KCNK13: variants seen among roughly 807,000 people sequenced by gnomAD.
The protein encoded by KCNK13 is potassium channel subfamily K member 13.
Under a neutral mutation model 23.4 loss-of-function variants are expected in KCNK13, and 12 were observed. The ratio of observed to expected loss-of-function variants is 0.51; its 90% confidence interval spans 0.33 to 0.83. The LOEUF is 0.83. Among genes scored for constraint, KCNK13 ranks in the 40% least tolerant of loss-of-function variants. KCNK13 has a pLI of 0.02. For missense variants in KCNK13, 463 were observed against 556.3 expected (o/e 0.83, Z 1.69); for synonymous variants, 231 against 229.5 (o/e 1.01, Z -0.06).
chr14:90,126,546 G>A (rs1052771411), intron 1 of KCNK13, among the ~76,000 whole-genome samples: 4 of 151,798 alleles, frequency 2.6e-5, no homozygotes, highest in Non-Finnish European at 5.9e-5. Context: ...TGTTGTTGTT[G>A]TTGTTGTTAT....
At chr14:90,074,458 C>T (rs1014638572) in intron 1 of KCNK13, among the ~76,000 whole-genome samples, 8 of 152,168 alleles carry the variant, frequency 5.3e-5, no homozygotes, top group African/African-American at 1.9e-4. Context: ...ATTCAGGTCC[C>T]CTCCATGGTT....
chr14:90,071,824 G>A (rs1889078489), intron 1 of KCNK13, among the ~76,000 whole-genome samples: 1 of 151,944 alleles, frequency 6.6e-6, no homozygotes, highest in African/African-American at 2.4e-5. Flanking sequence ...CTTGAACCTG[G>A]AAGGCGGAAG....
intron 1 of KCNK13, among the ~76,000 whole-genome samples, chr14:90,123,774 G>A (rs1489014188): frequency 2.6e-5 from 4 of 152,084 alleles, no homozygotes; most frequent in Non-Finnish European, 4.4e-5. Context: ...TGGGACGATA[G>A]CCATGCACCA....
At chr14:90,147,999 A>T (rs1479906656) in intron 1 of KCNK13, among the ~76,000 whole-genome samples, 1 of 152,142 alleles carries the variant, frequency 6.6e-6, no homozygotes, top group African/African-American at 2.4e-5. Context: ...CTGTCTACTA[A>T]AAATACAAAA....
chr14:90,103,706 G>A (rs917507998), intron 1 of KCNK13, among the ~76,000 whole-genome samples: 1 of 152,008 alleles, frequency 6.6e-6, no homozygotes, highest in Admixed American at 6.6e-5. Context: ...GGGATTATAG[G>A]CTCCCACTAC....
chr14:90,144,493 C>CTATTT (rs1566645128), intron 1 of KCNK13, among the ~76,000 whole-genome samples: 1 of 25,884 alleles, frequency 3.9e-5, no homozygotes, highest in Admixed American at 6.8e-4. Flanking sequence ...GTTTTACTTT[C>CTATTT]TCTTTTTTTT....
chr14:90,078,427 AAAAG>A (rs1158343364), intron 1 of KCNK13, among the ~76,000 whole-genome samples: 1 of 151,704 alleles, frequency 6.6e-6, no homozygotes, highest in Non-Finnish European at 1.5e-5. Context: ...CAAAAAAAAA[AAAAG>A]AAAGAAAAAA....
At chr14:90,101,503 A>G (rs919400740) in intron 1 of KCNK13, among the ~76,000 whole-genome samples, 8 of 151,830 alleles carry the variant, frequency 5.3e-5, no homozygotes, top group African/African-American at 1.9e-4. Context: ...GTGCACCAAA[A>G]TCTCACCAGT....
At chr14:90,092,111 A>G (rs1596773921) in intron 1 of KCNK13, among the ~76,000 whole-genome samples, 1 of 151,908 alleles carries the variant, frequency 6.6e-6, no homozygotes, top group East Asian at 1.9e-4. Context: ...TTTAGTAGAG[A>G]TGGGGTTTCA....
intron 1 of KCNK13, among the ~76,000 whole-genome samples, chr14:90,070,055 T>C (rs913587215): frequency 2.6e-5 from 4 of 152,216 alleles, no homozygotes; most frequent in African/African-American, 9.7e-5. Flanking sequence ...GGAAATCATA[T>C]CATACATATT....
rs1279169701 is a variant in KCNK13, at chr14:90,184,850, C to G, written c.1074C>G (p.Ala358=). ...AGGACTTGCTGGCAGCCAACAAGGC[C>G]TCGTTGGCCATCCTGCAGAAGCAAC... is the stretch of plus-strand genomic sequence containing the variant. ...SMKDLLAANK[A]SLAILQKQLS... Residue 358 remains alanine (A), a synonymous_variant, in exon 2 of 2, where the codon GCC becomes GCG. Coordinates refer to ENST00000282146, the MANE Select transcript of KCNK13 (RefSeq NM_022054.4). This position sits in a 1 kb window ranked among gnomAD's most constrained non-coding sequence, Gnocchi z 5.6. 6.2e-7 allele frequency: 1 copy of G among 1,613,870 alleles called. No individual in the cohort carries two copies.
intron 1 of KCNK13, among the ~76,000 whole-genome samples, chr14:90,101,348 A>G (rs1342050423): frequency 2.0e-5 from 3 of 152,122 alleles, no homozygotes; most frequent in African/African-American, 7.2e-5. Flanking sequence ...CTTGTCCCGG[A>G]CCAGAGTGTT....
At chr14:90,145,970 C>CACTGTACTTCAGCA (rs201332658) in intron 1 of KCNK13, among the ~76,000 whole-genome samples, 9,859 of 152,064 alleles carry the variant, frequency 0.065, 411 homozygotes, top group South Asian at 0.21. Flanking sequence ...ATGATCACGC[C>CACTGTACTTCAGCA]TGGGTAACAG....
intron 1 of KCNK13, among the ~76,000 whole-genome samples, chr14:90,076,849 C>A (rs900596195): frequency 6.6e-6 from 1 of 152,160 alleles, no homozygotes; most frequent in Non-Finnish European, 1.5e-5. Flanking sequence ...GAGACAGAGT[C>A]TGGCTCTGTT....
intron 1 of KCNK13, among the ~76,000 whole-genome samples, chr14:90,170,608 A>G (rs745541271): frequency 1.1e-4 from 16 of 152,200 alleles, no homozygotes; most frequent in Non-Finnish European, 2.2e-4. Flanking sequence ...GAGGGCTTCA[A>G]ATCTAAAGGG....
In KCNK13 at chr14:90,129,977, C is replaced by T. The variant is rs114429975; in HGVS notation, c.335-54134C>T. On this transcript the variant is annotated intron_variant, in intron 1 of 1. Transcript: ENST00000282146. ...CCATTTTAAGTAGCCATTACAAAAG[C>T]GGAGATGGTTCCTAACATGTTAGCC... Among the ~76,000 whole-genome samples, 1,442 of 152,168 alleles carry T rather than the reference C, an allele frequency of 9.5e-3. 23 individuals are homozygous for T. Among genetic ancestry groups the T allele is most frequent in the African/African-American group, 0.033 (1,372 of 41,514 alleles).
At chr14:90,145,619 T>C (rs1008865945) in intron 1 of KCNK13, among the ~76,000 whole-genome samples, 13 of 152,206 alleles carry the variant, frequency 8.5e-5, no homozygotes, top group Admixed American at 3.9e-4. Flanking sequence ...CTTCCTCCTC[T>C]TCTATTTTCT....
At chr14:90,130,707 G>C (rs1306717767) in intron 1 of KCNK13, among the ~76,000 whole-genome samples, 1 of 152,040 alleles carries the variant, frequency 6.6e-6, no homozygotes, top group African/African-American at 2.4e-5. Flanking sequence ...CCAGCTACTT[G>C]GGAGGCTGAG....
At chr14:90,109,623 G>A (rs1889590228) in intron 1 of KCNK13, among the ~76,000 whole-genome samples, 1 of 151,886 alleles carries the variant, frequency 6.6e-6, no homozygotes, top group African/African-American at 2.4e-5. Flanking sequence ...TGTTAGCCAG[G>A]AAGGTCTCGA....
Sources: gnomAD v4.1 joint callset for allele counts (sites outside exome capture counted in the v4.1 genomes callset) on GRCh38, gnomAD v4.1.1 for gene constraint, Gnocchi (gnomAD v3.1) non-coding constraint, MANE v1.5 for transcripts, NCBI Gene and HGNC (gene_info 2026-07-23, HGNC 2026-07-21) for gene names.